Variants in PPP2R2C observed in about 807,000 individuals in gnomAD.
PPP2R2C encodes protein phosphatase 2, regulatory subunit B, gamma.
PPP2R2C carries 10 observed loss-of-function variants against 45.3 expected under a neutral mutation model. The observed-to-expected ratio is 0.22, with a 90% CI of 0.14 to 0.37. PPP2R2C has a LOEUF of 0.37. Ranked by LOEUF, PPP2R2C falls within the 10% of genes least tolerant of loss-of-function variation. The pLI is 1.00. For synonymous variants in PPP2R2C, 257 were observed against 245.4 expected (o/e 1.05, Z -0.44); for missense variants, 308 against 619.7 (o/e 0.50, Z 5.34).
At chr4:6,521,299 T>G (rs1044146612) in intron 2 of PPP2R2C, among the ~76,000 whole-genome samples, 16 of 152,236 alleles carry the variant, frequency 1.1e-4, no homozygotes, top group African/African-American at 3.9e-4. Context: ...GTTCAGCTGG[T>G]CGTAAACCAC....
At chr4:6,379,063 C>A (rs573206609) in intron 2 of PPP2R2C, among the ~76,000 whole-genome samples, 1 of 152,074 alleles carries the variant, frequency 6.6e-6, no homozygotes, top group Non-Finnish European at 1.5e-5. Context: ...TGTCTTGGGC[C>A]CTGACTTGCT....
chr4:6,387,967 C>T (rs564445911), intron 1 of PPP2R2C, among the ~76,000 whole-genome samples: 14 of 152,350 alleles, frequency 9.2e-5, no homozygotes, highest in Admixed American at 2.6e-4. Flanking sequence ...CCCTAAGTGG[C>T]AGGGCCTTTG....
intron 2 of PPP2R2C, among the ~76,000 whole-genome samples, chr4:6,526,846 C>T (rs1724224057): frequency 6.6e-6 from 1 of 152,196 alleles, no homozygotes; most frequent in Admixed American, 6.5e-5. Context: ...ACCTCCCCAC[C>T]AGCCTCATTA....
intron 1 of PPP2R2C, among the ~76,000 whole-genome samples, chr4:6,539,601 T>TA (rs140345208): frequency 0.2 from 31,079 of 151,980 alleles, 3,260 homozygotes; most frequent in Non-Finnish European, 0.23. Flanking sequence ...AAATAAAGGA[T>TA]AAAAAATCTA....
At chr4:6,337,102 A>ATGTGTGTGTG (rs1158525075) in intron 6 of PPP2R2C, among the ~76,000 whole-genome samples, 36 of 37,308 alleles carry the variant, frequency 9.6e-4, no homozygotes, top group African/African-American at 4.2e-3. Flanking sequence ...TTGTTTCTGT[A>ATGTGTGTGTG]TGTGTGTGTG....
intron 1 of PPP2R2C, among the ~76,000 whole-genome samples, chr4:6,551,818 G>A (rs1420454071): frequency 2.0e-5 from 3 of 152,190 alleles, no homozygotes. Flanking sequence ...ACACCAACAA[G>A]CGACCTCGGT....
rs1731767279 is a variant in PPP2R2C at position 6,324,299 on chromosome 4, G to T, written c.1053-706C>A. 6.6e-6 allele frequency among the ~76,000 whole-genome samples: 1 copy of T among 152,052 alleles called. No homozygotes were observed. The highest frequency in any genetic ancestry group is 6.5e-5 in the Admixed American group (1 of 15,272). On this transcript the variant is annotated intron_variant, in intron 8 of 8. Transcript: ENST00000382599. This position sits in a 1 kb window ranked among gnomAD's most constrained non-coding sequence, Gnocchi z 4.1. ...ATACAAAAATTAGCTGGACATGGTGGTGGGCACCTGTAATCCCAGCTACTC... is the reference window on the plus strand; with the variant it reads ...ATACAAAAATTAGCTGGACATGGTGTTGGGCACCTGTAATCCCAGCTACTC...
chr4:6,347,789 T>TGCC, intron 6 of PPP2R2C, 57 bp downstream of exon 6: 143 of 1,033,594 alleles, frequency 1.4e-4, no homozygotes, highest in Middle Eastern at 3.0e-4. Flanking sequence ...GGACAGGACA[T>TGCC]CCCACCCGCC....
chr4:6,520,934 CT>C (rs1723999061), intron 2 of PPP2R2C, among the ~76,000 whole-genome samples: 1 of 152,176 alleles, frequency 6.6e-6, no homozygotes, highest in African/African-American at 2.4e-5. Context: ...TTTCTGTATT[CT>C]TTGTCCATTG....
At chr4:6,555,415 C>G (rs1407188010) in intron 1 of PPP2R2C, 1 of 152,280 alleles carries the variant, frequency 6.6e-6, no homozygotes, top group African/African-American at 2.4e-5. Flanking sequence ...TGATTATAAG[C>G]CAGTGAAGGG....
chr4:6,398,218 C>CA (rs756524892), intron 1 of PPP2R2C, among the ~76,000 whole-genome samples: 29 of 152,120 alleles, frequency 1.9e-4, no homozygotes, highest in Admixed American at 6.6e-4. Flanking sequence ...TCTCAAGACA[C>CA]AAAAAGCATG....
At chr4:6,426,952 G>A (rs1038853277) in intron 1 of PPP2R2C, among the ~76,000 whole-genome samples, 1 of 152,242 alleles carries the variant, frequency 6.6e-6, no homozygotes, top group Non-Finnish European at 1.5e-5. Context: ...AATTCCAAAA[G>A]CTAAGTTAAT....
At chr4:6,409,016 A>T (rs1717984455) in intron 1 of PPP2R2C, among the ~76,000 whole-genome samples, 1 of 152,048 alleles carries the variant, frequency 6.6e-6, no homozygotes, top group Non-Finnish European at 1.5e-5. Context: ...AGATGTAGGC[A>T]AACAGCTAGA....
At position 6,324,608 on chromosome 4, in the gene PPP2R2C, C is replaced by G. The variant is rs1204357636; in HGVS notation, c.1053-1015G>C. Among the ~76,000 whole-genome samples the G allele has an allele frequency of 6.6e-6, 1 of 152,210 alleles. No homozygotes were observed. Among genetic ancestry groups the G allele is most frequent in the East Asian group, 1.9e-4 (1 of 5,182 alleles). ...TCCAGGGGCCCGCCTGTCCCGAGGA[C>G]TCGGGCGAATAAACAAACATGCATC... On this transcript the variant is annotated intron_variant, in intron 8 of 8. Transcript: ENST00000382599. This position sits in a 1 kb window ranked among gnomAD's most constrained non-coding sequence, Gnocchi z 4.1.
At chr4:6,427,004 G>A (rs140117170) in intron 1 of PPP2R2C, among the ~76,000 whole-genome samples, 246 of 152,306 alleles carry the variant, frequency 1.6e-3, no homozygotes, top group Non-Finnish European at 2.8e-3. Flanking sequence ...AGATGGAAGC[G>A]GCCACATACC....
chr4:6,347,337 C>T (rs1712066839), intron 6 of PPP2R2C, among the ~76,000 whole-genome samples: 6 of 152,054 alleles, frequency 3.9e-5, no homozygotes, highest in Admixed American at 3.9e-4. Context: ...TCCACGGATA[C>T]CCCTGTGGGA....
chr4:6,363,440 G>T (rs1224861890), intron 5 of PPP2R2C, among the ~76,000 whole-genome samples: 1 of 152,010 alleles, frequency 6.6e-6, no homozygotes, highest in Non-Finnish European at 1.5e-5. Flanking sequence ...TTAGCCGGGC[G>T]TGGTGGCGGG....
intron 6 of PPP2R2C, 134 bp downstream of exon 6, chr4:6,347,712 C>T: frequency 8.4e-7 from 1 of 1,192,396 alleles, no homozygotes; most frequent in Non-Finnish European, 1.2e-6. Context: ...CAGCAATGGG[C>T]CCACCCACCT....
At chr4:6,510,980 C>CAAAAAAAAAAAAAAAAA (rs752037080) in intron 2 of PPP2R2C, among the ~76,000 whole-genome samples, 13 of 41,356 alleles carry the variant, frequency 3.1e-4, no homozygotes, top group South Asian at 1.5e-3. Context: ...CCGTCTCAAA[C>CAAAAAAAAAAAAAAAAA]AAAAAAAAAC....
Sources: gnomAD v4.1 joint callset for allele counts (sites outside exome capture counted in the v4.1 genomes callset) on GRCh38, gnomAD v4.1.1 for gene constraint, Gnocchi (gnomAD v3.1) non-coding constraint, MANE v1.5 for transcripts, NCBI Gene and HGNC (gene_info 2026-07-23, HGNC 2026-07-21) for gene names.